Variants in GNB4 observed in about 807,000 individuals in gnomAD.
The protein encoded by GNB4 is guanine nucleotide-binding protein subunit beta-4.
A neutral mutation model predicts 45.2 loss-of-function variants in GNB4; 28 were observed. That is an observed-to-expected ratio of 0.62 (90% CI 0.46 to 0.85). The LOEUF is 0.85. Ranked by LOEUF, GNB4 falls within the 40% of genes least tolerant of loss-of-function variation. The pLI is 0.00. For synonymous variants in GNB4, 132 were observed against 143.7 expected, an observed-to-expected ratio of 0.92 and a Z score of 0.58; for missense variants, 321 against 425.4, an observed-to-expected ratio of 0.75 and a Z score of 2.16.
chr3:179,495,630 G>C, the GNB4 span, among the ~76,000 whole-genome samples: 2 of 150,688 alleles, frequency 1.3e-5, no homozygotes, highest in Non-Finnish European at 3.0e-5. Flanking sequence ...AAGAAAGGAG[G>C]CAGGGAGGCA....
intron 1 of GNB4, among the ~76,000 whole-genome samples, chr3:179,441,228 C>T (rs764454801): frequency 2.0e-5 from 3 of 152,138 alleles, no homozygotes; most frequent in Non-Finnish European, 2.9e-5. Context: ...CTGAGAAACA[C>T]GTCCTTAGGC....
At chr3:179,412,124 T>C (rs1338532057) in intron 8 of GNB4, among the ~76,000 whole-genome samples, 1 of 152,156 alleles carries the variant, frequency 6.6e-6, no homozygotes, top group African/African-American at 2.4e-5. Flanking sequence ...GCTTAATCTA[T>C]TTATGGTTTT....
the GNB4 span, among the ~76,000 whole-genome samples, chr3:179,512,735 T>C: frequency 6.6e-6 from 1 of 152,204 alleles, no homozygotes; most frequent in Non-Finnish European, 1.5e-5. Flanking sequence ...CACATATGCA[T>C]TGTGAAGTGT....
At chr3:179,419,652 C>A in intron 3 of GNB4, 147 bp from the exon 4 acceptor site, 2 of 614,160 alleles carry the variant, frequency 3.3e-6, no homozygotes, top group Non-Finnish European at 5.8e-6. Flanking sequence ...TTCCACAGAG[C>A]CGTTATGGGA....
intron 5 of GNB4, among the ~76,000 whole-genome samples, chr3:179,415,345 G>T (rs1714766376): frequency 6.6e-6 from 1 of 152,108 alleles, no homozygotes; most frequent in Non-Finnish European, 1.5e-5. Context: ...ACTGCCATTT[G>T]AAAAATTAAG....
rs1340636689 is a variant in GNB4, at chr3:179,396,438, T to C, written c.*4775A>G. ...TTGGATAGGAAAATAGAAATGCAAG[T>C]GTTCAGATGCTTCTTTGAAAAGAAA... On this transcript the variant is annotated 3_prime_UTR_variant, in exon 10 of 10. Transcript: ENST00000232564. 1.1e-4 allele frequency: 17 copies of C among 152,194 alleles called. No individual in the cohort carries two copies. The highest frequency in any genetic ancestry group is 1.1e-3 in the Admixed American group (17 of 15,286). 9.4% of individuals were successfully genotyped at this position (152,194 alleles called of 1,614,324 possible).
chr3:179,451,565 G>C (rs1715878761), upstream of GNB4: 1 of 150,364 alleles, frequency 6.7e-6, no homozygotes, highest in Non-Finnish European at 1.5e-5. Context: ...CACGAGGCGC[G>C]CGGGCCCGGC....
the GNB4 span, among the ~76,000 whole-genome samples, chr3:179,499,298 C>T: frequency 6.6e-6 from 1 of 151,962 alleles, no homozygotes; most frequent in Non-Finnish European, 1.5e-5. Flanking sequence ...GCTGGGACTA[C>T]AGGCGCCTGC....
At chr3:179,457,351 G>T in the GNB4 span, among the ~76,000 whole-genome samples, 2 of 152,178 alleles carry the variant, frequency 1.3e-5, no homozygotes, top group Non-Finnish European at 2.9e-5. Flanking sequence ...AGTGTGTGAT[G>T]TATTAAAGCT....
the GNB4 span, among the ~76,000 whole-genome samples, chr3:179,526,918 A>G: frequency 6.6e-6 from 1 of 152,248 alleles, no homozygotes; most frequent in Non-Finnish European, 1.5e-5. Context: ...AATTAATTTT[A>G]TATATGAACG....
At chr3:179,425,180 T>C (rs1715106014) in intron 2 of GNB4, among the ~76,000 whole-genome samples, 2 of 152,330 alleles carry the variant, frequency 1.3e-5, no homozygotes, top group East Asian at 1.9e-4. Flanking sequence ...TTCCTTGATA[T>C]TTCTCAGTGC....
intron 8 of GNB4, among the ~76,000 whole-genome samples, chr3:179,408,718 G>A (rs1243170529): frequency 6.6e-6 from 1 of 152,008 alleles, no homozygotes; most frequent in East Asian, 1.9e-4. Context: ...CTTGAACCCG[G>A]GAGGTGGAGG....
chr3:179,442,382 TAGC>T (rs1029225172), intron 1 of GNB4, among the ~76,000 whole-genome samples: 1 of 152,202 alleles, frequency 6.6e-6, no homozygotes, highest in African/African-American at 2.4e-5. Context: ...CTCTGTAAAA[TAGC>T]AGGGCATTTC....
In GNB4 at chr3:179,398,216, G is replaced by A. The variant is rs1417518661; in HGVS notation, c.*2997C>T. 1 of 151,906 alleles carries A rather than the reference G, an allele frequency of 6.6e-6. No individual in the cohort carries two copies. Among genetic ancestry groups the A allele is most frequent in the African/African-American group, 2.4e-5 (1 of 41,360 alleles). 9.4% of individuals were successfully genotyped at this position (151,906 alleles called of 1,614,324 possible). ...CATTATGTTTAAATGTTTCTTAGAA[G>A]GTAAAGAAGGAAACCTGGCTGGGCA... On this transcript the variant is annotated 3_prime_UTR_variant, in exon 10 of 10. Transcript: ENST00000232564.
the GNB4 span, among the ~76,000 whole-genome samples, chr3:179,457,573 C>G: frequency 6.6e-6 from 1 of 152,188 alleles, no homozygotes; most frequent in Non-Finnish European, 1.5e-5. Flanking sequence ...AATGAGGGAG[C>G]AAATGAATGC....
chr3:179,489,293 T>C, the GNB4 span, among the ~76,000 whole-genome samples: 2 of 151,980 alleles, frequency 1.3e-5, no homozygotes, highest in East Asian at 3.9e-4. Flanking sequence ...TACTGGTTTC[T>C]CATTACGCTT....
chr3:179,516,485 G>C, the GNB4 span, among the ~76,000 whole-genome samples: 2 of 152,146 alleles, frequency 1.3e-5, no homozygotes, highest in African/African-American at 2.4e-5. Context: ...AGTCCTGGGT[G>C]GGGGCAAATC....
At chr3:179,432,334 C>T (rs1038178591) in intron 1 of GNB4, among the ~76,000 whole-genome samples, 6 of 151,984 alleles carry the variant, frequency 3.9e-5, no homozygotes, top group Non-Finnish European at 5.9e-5. Flanking sequence ...TAACTTTTCA[C>T]TCTTTAAAAA....
the GNB4 span, among the ~76,000 whole-genome samples, chr3:179,459,903 C>A: frequency 4.5e-4 from 69 of 152,306 alleles, 1 homozygote; most frequent in East Asian, 0.013. Context: ...CCCATCCTCA[C>A]CCAATTTGCC....
Sources: allele counts gnomAD v4.1 joint callset (sites outside exome capture counted in the v4.1 genomes callset), GRCh38; gene constraint gnomAD v4.1.1; transcripts MANE v1.5; gene names NCBI Gene and HGNC (gene_info 2026-07-23, HGNC 2026-07-21).